Variants in STK33 observed in about 807,000 individuals in gnomAD.
The protein encoded by STK33 is serine/threonine kinase 33.
In STK33, 52 loss-of-function variants were observed where a neutral mutation model predicts 58.0. The ratio of observed to expected loss-of-function variants is 0.90; its 90% CI spans 0.72 to 1.13. The LOEUF (loss-of-function observed/expected upper bound fraction) is 1.13. STK33 is among the 50% of genes most tolerant of loss of function. The probability of loss-of-function intolerance (pLI) is 0.00; values close to 1 mark genes in which losing one functional copy is unlikely to be tolerated. For synonymous variants in STK33, 215 were observed against 200.1 expected (o/e 1.07, Z -0.63); for missense variants, 630 against 604.2 (o/e 1.04, Z -0.45).
intron 1 of STK33, among the ~76,000 whole-genome samples, chr11:8,586,405 A>G (rs960009283): frequency 6.6e-6 from 1 of 151,954 alleles, no homozygotes; most frequent in Non-Finnish European, 1.5e-5. Context: ...CTTCTGCCTC[A>G]GCTTCCTCTT....
At chr11:8,580,921 A>C (rs759780789) in intron 1 of STK33, 1 of 152,112 alleles carries the variant, frequency 6.6e-6, no homozygotes, top group African/African-American at 2.4e-5. Context: ...TCATGGTGGT[A>C]TTGTCTCCCC....
At chr11:8,350,235 C>G in the STK33 span, among the ~76,000 whole-genome samples, 3 of 152,326 alleles carry the variant, frequency 2.0e-5, no homozygotes, top group African/African-American at 7.2e-5. Context: ...TCTACACCCA[C>G]GCTGGGATGC....
chr11:8,564,153 G>A (rs1401614229), intron 1 of STK33, among the ~76,000 whole-genome samples: 1 of 152,190 alleles, frequency 6.6e-6, no homozygotes, highest in African/African-American at 2.4e-5. Flanking sequence ...AAAGTAGCAG[G>A]CAGGCCAGCT....
At chr11:8,537,752 G>A (rs1044402424) in intron 1 of STK33, among the ~76,000 whole-genome samples, 1 of 150,576 alleles carries the variant, frequency 6.6e-6, no homozygotes, top group Non-Finnish European at 1.5e-5. Flanking sequence ...GGAGGTTGCA[G>A]TGGGCCGAGA....
chr11:8,587,587 TAAAAAA>T (rs11312849), intron 1 of STK33, among the ~76,000 whole-genome samples: 4 of 141,624 alleles, frequency 2.8e-5, no homozygotes, highest in Non-Finnish European at 3.1e-5. Context: ...CAATGGAAGG[TAAAAAA>T]AAAAAAAAAA....
chr11:8,420,264 A>T (rs899120312), intron 14 of STK33, among the ~76,000 whole-genome samples: 4 of 152,194 alleles, frequency 2.6e-5, no homozygotes, highest in African/African-American at 9.6e-5. Context: ...GCAGCAGAAT[A>T]TCAAGATAAT....
At chr11:8,451,703 T>C (rs1232595710) in intron 11 of STK33, among the ~76,000 whole-genome samples, 2 of 152,140 alleles carry the variant, frequency 1.3e-5, no homozygotes, top group Non-Finnish European at 2.9e-5. Context: ...TGTGGATGTA[T>C]GAAAAATCAT....
intron 11 of STK33, among the ~76,000 whole-genome samples, chr11:8,442,487 G>T (rs561570144): frequency 6.6e-6 from 1 of 152,116 alleles, no homozygotes; most frequent in Non-Finnish European, 1.5e-5. Context: ...GCCCTCATAG[G>T]GATGCAGAGG....
intron 1 of STK33, among the ~76,000 whole-genome samples, chr11:8,535,004 G>A (rs1241012985): frequency 6.6e-6 from 1 of 152,158 alleles, no homozygotes; most frequent in Non-Finnish European, 1.5e-5. Flanking sequence ...CGTCAGAGAA[G>A]GGGAGAGAGA....
intron 1 of STK33, among the ~76,000 whole-genome samples, chr11:8,507,554 G>A (rs1467176125): frequency 6.6e-6 from 1 of 152,112 alleles, no homozygotes; most frequent in African/African-American, 2.4e-5. Flanking sequence ...AGGTGAAGGA[G>A]GAAGGAGGAA....
chr11:8,579,713 C>A (rs566871503), intron 1 of STK33, among the ~76,000 whole-genome samples: 1 of 152,092 alleles, frequency 6.6e-6, no homozygotes. Flanking sequence ...AGGAAGTCAT[C>A]AAGTATGCTA....
chr11:8,470,808 C>T (rs1428590391), intron 6 of STK33, among the ~76,000 whole-genome samples: 2 of 152,104 alleles, frequency 1.3e-5, no homozygotes, highest in African/African-American at 2.4e-5. Context: ...TTATTGCCAT[C>T]TTATATGGGT....
intron 1 of STK33, among the ~76,000 whole-genome samples, chr11:8,519,347 T>C (rs933926850): frequency 1.3e-5 from 2 of 152,170 alleles, no homozygotes; most frequent in African/African-American, 2.4e-5. Context: ...AAGCAGTGTA[T>C]AGAGGGAAAT....
At chr11:8,589,307 A>G (rs12224243) in intron 1 of STK33, among the ~76,000 whole-genome samples, 12,888 of 152,280 alleles carry the variant, frequency 0.085, 724 homozygotes, top group East Asian at 0.25. Context: ...TGTACCATAC[A>G]ATGGAATTCT....
intron 11 of STK33, among the ~76,000 whole-genome samples, chr11:8,448,528 G>A (rs957229624): frequency 5.3e-5 from 8 of 152,292 alleles, no homozygotes; most frequent in East Asian, 1.9e-4. Flanking sequence ...AACAAGAAAT[G>A]CGGAAACGAT....
In STK33 at chr11:8,435,508, T is replaced by C; in HGVS notation, c.1132A>G (p.Asn378Asp). ...HRITAKELLD[N>D]QWLTGNKLSS... ...TTGTAACTTACTGTTAACCACTGGT[T>C]ATCTAGTAGTTCCTTAGCTGTGATT... is the stretch of plus-strand genomic sequence containing the variant. Residue 378 changes from asparagine to aspartate, a missense_variant, in exon 14 of 16, where the codon AAC becomes GAC. Coordinates refer to ENST00000687296, the MANE Select transcript of STK33 (RefSeq NM_001352389.2). 6.8e-7 allele frequency: 1 copy of C among 1,469,158 alleles called. No homozygotes were observed. The highest frequency in any genetic ancestry group is 9.1e-7 in the Non-Finnish European group (1 of 1,095,958). 91.0% of individuals were successfully genotyped at this position (1,469,158 alleles called of 1,614,324 possible).
At chr11:8,381,222 G>A in the STK33 span, among the ~76,000 whole-genome samples, 9 of 152,142 alleles carry the variant, frequency 5.9e-5, no homozygotes, top group African/African-American at 1.2e-4. Context: ...CAATTCATCC[G>A]TGTAACCAAA....
At chr11:8,388,525 C>A (rs1300991113), downstream of STK33, among the ~76,000 whole-genome samples, 1 of 152,218 alleles carries the variant, frequency 6.6e-6, no homozygotes, top group South Asian at 2.1e-4. Context: ...TACAACTGAA[C>A]GATGTGAGAC....
chr11:8,531,197 A>G (rs1954516548), intron 1 of STK33, among the ~76,000 whole-genome samples: 1 of 152,084 alleles, frequency 6.6e-6, no homozygotes, highest in East Asian at 1.9e-4. Context: ...TAAAATAAAT[A>G]CCCCCCAACT....
Sources: allele counts gnomAD v4.1 joint callset (sites outside exome capture counted in the v4.1 genomes callset), GRCh38; gene constraint gnomAD v4.1.1; transcripts MANE v1.5; gene names NCBI Gene and HGNC (gene_info 2026-07-23, HGNC 2026-07-21).